PLPPR5: variants seen among roughly 807,000 people sequenced by gnomAD.
PLPPR5 encodes the protein phospholipid phosphatase related 5.
In PLPPR5, 16 loss-of-function variants were observed where a neutral mutation model predicts 33.9. The ratio of observed to expected loss-of-function variants is 0.47; its 90% CI spans 0.32 to 0.72. The LOEUF (loss-of-function observed/expected upper bound fraction) is 0.72. PLPPR5 is among the 30% of genes least tolerant of loss of function. PLPPR5 has a pLI of 0.03. For synonymous variants in PLPPR5, 163 were observed against 150.3 expected (o/e 1.08, Z -0.62); for missense variants, 301 against 406.7 (o/e 0.74, Z 2.23).
At chr1:98,956,563 T>A in intron 2 of PLPPR5, 46 bp downstream of exon 2, 10 of 1,506,134 alleles carry the variant, frequency 6.6e-6, no homozygotes, top group Non-Finnish European at 8.8e-6. Context: ...AGCTTACACA[T>A]AGACACTGTT....
At chr1:98,946,587 C>A (rs1325359154) in intron 3 of PLPPR5, among the ~76,000 whole-genome samples, 1 of 152,160 alleles carries the variant, frequency 6.6e-6, no homozygotes. Flanking sequence ...CTGTTCAAAT[C>A]ATGTCCATCT....
chr1:98,940,152 T>C (rs934696539), intron 3 of PLPPR5, among the ~76,000 whole-genome samples: 4 of 151,606 alleles, frequency 2.6e-5, no homozygotes, highest in Non-Finnish European at 5.9e-5. Context: ...ATAGGCCGAG[T>C]GGCATAAAAG....
At chr1:98,908,362 A>C (rs1012046984) in intron 5 of PLPPR5, among the ~76,000 whole-genome samples, 3 of 152,224 alleles carry the variant, frequency 2.0e-5, no homozygotes, top group Admixed American at 2.0e-4. Flanking sequence ...ACAGCTATAA[A>C]GATATTAATT....
chr1:98,983,604 G>A (rs1464624334), intron 1 of PLPPR5, among the ~76,000 whole-genome samples: 4 of 151,452 alleles, frequency 2.6e-5, no homozygotes, highest in Non-Finnish European at 4.4e-5. Context: ...TATATACCCA[G>A]TAATGGGATG....
rs1388345419 is a variant in PLPPR5 at position 98,942,058 on chromosome 1, TAGAGAGAGAGAGGAAGAAAGAGAG to T, written c.621+10988_621+11011del. ...TACACATATACGTATATATGAGAGA[TAGAGAGAGAGAGGAAGAAAGAGAG>T]AGAGAGAGAGAGGAAGTCTCGCTCT... On this transcript the variant is annotated intron_variant, in intron 3 of 5. Coordinates refer to ENST00000263177, the MANE Select transcript of PLPPR5 (RefSeq NM_001037317.2). 7.2e-4 allele frequency among the ~76,000 whole-genome samples: 86 copies of T among 119,948 alleles called. 1 individual carries two copies. The highest frequency in any genetic ancestry group is 1.3e-3 in the Admixed American group (15 of 11,150). 78.7% of individuals were successfully genotyped at this position (119,948 alleles called of 152,430 possible).
intron 5 of PLPPR5, among the ~76,000 whole-genome samples, chr1:98,900,425 A>C (rs1036388706): frequency 6.6e-6 from 1 of 152,136 alleles, no homozygotes; most frequent in Non-Finnish European, 1.5e-5. Flanking sequence ...CAGTATAGCC[A>C]TCATCATCTT....
At chr1:98,984,420 G>A (rs1014069821) in intron 1 of PLPPR5, among the ~76,000 whole-genome samples, 1 of 151,958 alleles carries the variant, frequency 6.6e-6, no homozygotes, top group African/African-American at 2.4e-5. Context: ...ATTTGTCCCT[G>A]GAAGCTTCAA....
intron 1 of PLPPR5, among the ~76,000 whole-genome samples, chr1:98,997,921 T>A (rs1302035584): frequency 6.6e-6 from 1 of 151,922 alleles, no homozygotes; most frequent in Non-Finnish European, 1.5e-5. Context: ...AGAAGCCACA[T>A]GGATAGTGAG....
intron 1 of PLPPR5, among the ~76,000 whole-genome samples, chr1:98,962,322 G>C (rs1651278067): frequency 6.6e-6 from 1 of 151,974 alleles, no homozygotes; most frequent in Non-Finnish European, 1.5e-5. Context: ...ATTTTTTGTG[G>C]TGAAAACACT....
intron 1 of PLPPR5, among the ~76,000 whole-genome samples, chr1:98,994,366 C>T (rs899788636): frequency 4.6e-5 from 7 of 152,062 alleles, no homozygotes; most frequent in South Asian, 4.2e-4. Context: ...TATTTCCATG[C>T]CATGCCAAAC....
intron 1 of PLPPR5, among the ~76,000 whole-genome samples, chr1:98,966,849 G>A (rs1020375119): frequency 5.3e-5 from 8 of 152,080 alleles, no homozygotes; most frequent in Admixed American, 5.2e-4. Flanking sequence ...TCTATTTTGA[G>A]AGCTCTACAG....
chr1:99,003,757 G>C (rs1293956235), intron 1 of PLPPR5, among the ~76,000 whole-genome samples: 1 of 152,152 alleles, frequency 6.6e-6, no homozygotes, highest in Admixed American at 6.5e-5. Flanking sequence ...GACTTAAATT[G>C]CCCAGGGAGC....
At chr1:98,936,464 G>C (rs186685243) in intron 3 of PLPPR5, among the ~76,000 whole-genome samples, 1 of 152,138 alleles carries the variant, frequency 6.6e-6, no homozygotes, top group Admixed American at 6.5e-5. Flanking sequence ...ACATCTACAG[G>C]CATGTTAGAA....
Position 99,004,689 on chromosome 1 carries a change from G to GGCCGAGCCGA in PLPPR5, c.-28_-19dup. ...AGGGGCATGCACGCCTCCCGGGCCG[G>GGCCGAGCCGA]GCCGAGCCGAGCCGAGCGGGCGGTC... On this transcript the variant is annotated 5_prime_UTR_variant, in exon 1 of 6. Coordinates refer to ENST00000263177, the MANE Select transcript of PLPPR5 (RefSeq NM_001037317.2). 1 of 1,541,528 alleles carries GGCCGAGCCGA rather than the reference G, an allele frequency of 6.5e-7. No individual in the cohort carries two copies. Among genetic ancestry groups the GGCCGAGCCGA allele is most frequent in the East Asian group, 2.6e-5 (1 of 38,082 alleles).
intron 1 of PLPPR5, among the ~76,000 whole-genome samples, chr1:98,990,345 G>C (rs944673626): frequency 2.6e-5 from 4 of 151,850 alleles, no homozygotes; most frequent in African/African-American, 9.7e-5. Flanking sequence ...CTTCCCCCTG[G>C]GTGACAGAGT....
At chr1:98,933,151 A>G (rs540344172) in intron 3 of PLPPR5, among the ~76,000 whole-genome samples, 12 of 152,188 alleles carry the variant, frequency 7.9e-5, no homozygotes, top group African/African-American at 2.6e-4. Flanking sequence ...CCAGGGACAA[A>G]CAAAACAAAA....
chr1:99,004,374 C>A (rs1652985027), intron 1 of PLPPR5, 61 bp downstream of exon 1: 5 of 1,439,348 alleles, frequency 3.5e-6, no homozygotes, highest in Non-Finnish European at 4.7e-6. Context: ...GGGGCCTCAA[C>A]CCCGAAGGCG....
chr1:98,952,929 A>G, intron 3 of PLPPR5, 141 bp downstream of exon 3: 1 of 1,012,660 alleles, frequency 9.9e-7, no homozygotes, highest in Non-Finnish European at 1.4e-6. Context: ...AACAGCTATT[A>G]TTAAAAATAG....
intron 1 of PLPPR5, among the ~76,000 whole-genome samples, chr1:98,983,600 C>T (rs576435905): frequency 2.5e-3 from 378 of 151,272 alleles, no homozygotes; most frequent in African/African-American, 8.5e-3. Context: ...TGGGTATATA[C>T]CCAGTAATGG....
Sources: gnomAD v4.1 joint callset for allele counts (sites outside exome capture counted in the v4.1 genomes callset) on GRCh38, gnomAD v4.1.1 for gene constraint, MANE v1.5 for transcripts, NCBI Gene and HGNC (gene_info 2026-07-23, HGNC 2026-07-21) for gene names.